CYP3A43: variants seen among roughly 807,000 people sequenced by gnomAD.
The protein encoded by CYP3A43 is cytochrome P450 family 3 subfamily A member 43.
In CYP3A43, 45 loss-of-function variants were observed where a neutral mutation model predicts 58.0. The observed-to-expected ratio is 0.78, with a 90% confidence interval of 0.61 to 0.99. The LOEUF is 0.99. Ranked by LOEUF, CYP3A43 falls within the 50% of genes least tolerant of loss-of-function variation. The probability of loss-of-function intolerance (pLI) is 0.00; values close to 1 mark genes in which losing one functional copy is unlikely to be tolerated. For missense variants in CYP3A43, 593 were observed against 591.9 expected (o/e 1.00, Z -0.02); for synonymous variants, 191 against 201.4 (o/e 0.95, Z 0.44).
At chr7:99,863,829 C>T in intron 12 of CYP3A43, 130 bp downstream of exon 12, 1 of 726,854 alleles carries the variant, frequency 1.4e-6, no homozygotes, top group Non-Finnish European at 2.1e-6. Context: ...TGGAGCTATC[C>T]ATAATGCTTA....
At chr7:99,836,247 A>G (rs1008018668) in intron 1 of CYP3A43, among the ~76,000 whole-genome samples, 4 of 152,206 alleles carry the variant, frequency 2.6e-5, no homozygotes, top group African/African-American at 9.7e-5. Flanking sequence ...TAATTAATAA[A>G]TATCCTCCTG....
chr7:99,843,119 C>A (rs1415651494), intron 3 of CYP3A43, among the ~76,000 whole-genome samples: 1 of 152,188 alleles, frequency 6.6e-6, no homozygotes, highest in Non-Finnish European at 1.5e-5. Context: ...ATATAACTGA[C>A]TTTTTCCTCT....
chr7:99,849,826 T>A, intron 7 of CYP3A43, 132 bp downstream of exon 7: 2 of 1,002,806 alleles, frequency 2.0e-6, no homozygotes. Context: ...TGGTTTTTGG[T>A]ACATTTAAAG....
At chr7:99,860,961 C>T (rs1280916838) in intron 10 of CYP3A43, among the ~76,000 whole-genome samples, 4 of 152,078 alleles carry the variant, frequency 2.6e-5, no homozygotes, top group African/African-American at 9.7e-5. Context: ...GCTACCTCCG[C>T]CTCCAGGGTT....
chr7:99,838,572 A>T, intron 2 of CYP3A43: 1 of 897,856 alleles, frequency 1.1e-6, no homozygotes, highest in Non-Finnish European at 1.5e-6. Context: ...GTGTTCATAG[A>T]CAGAAGTAAG....
chr7:99,838,938 C>T, intron 2 of CYP3A43, 182 bp from the exon 3 acceptor site: 2 of 693,890 alleles, frequency 2.9e-6, no homozygotes, highest in African/African-American at 1.8e-5. Flanking sequence ...CAAGATCGCA[C>T]CATTGCACTC....
Position 99,859,819 on chromosome 7 carries a change from T to A in CYP3A43, c.866-11T>A. 2 of 1,614,040 alleles carry A rather than the reference T, an allele frequency of 1.2e-6. No individual in the cohort carries two copies. Among genetic ancestry groups the A allele is most frequent in the Non-Finnish European group, 1.7e-6 (2 of 1,179,970 alleles). On this transcript the variant is annotated splice_polypyrimidine_tract_variant and intron_variant, in intron 9 of 12. Coordinates refer to ENST00000354829, the MANE Select transcript of CYP3A43 (RefSeq NM_057095.3). ...ACCACTTTTCCTAAAATATATTTCCTCTCCTTTCAGCTCTGTCTGATCTGG... is the reference window on the plus strand; with the variant it reads ...ACCACTTTTCCTAAAATATATTTCCACTCCTTTCAGCTCTGTCTGATCTGG...
Position 99,828,925 on chromosome 7 carries a change from T to C in CYP3A43, c.71+739T>C, listed in dbSNP as rs564141718. 1.1e-4 allele frequency among the ~76,000 whole-genome samples: 16 copies of C among 152,284 alleles called. No individual in the cohort carries two copies. In the South Asian group the frequency reaches 2.3e-3, roughly 22 times the overall value. ...GAAAAGAGAAAAAGTTTGATAATAC[T>C]TATTCTTTGGAGCACTGCTACCTGA... On this transcript the variant is annotated intron_variant, in intron 1 of 12. Coordinates refer to ENST00000354829, the MANE Select transcript of CYP3A43 (RefSeq NM_057095.3).
At chr7:99,858,855 G>A (rs1353961678) in intron 9 of CYP3A43, among the ~76,000 whole-genome samples, 2 of 151,830 alleles carry the variant, frequency 1.3e-5, no homozygotes, top group African/African-American at 4.8e-5. Flanking sequence ...ACCACACCCA[G>A]TTGTGGGTTT....
intron 1 of CYP3A43, among the ~76,000 whole-genome samples, chr7:99,828,480 G>A (rs1816711361): frequency 6.6e-6 from 1 of 152,026 alleles, no homozygotes; most frequent in African/African-American, 2.4e-5. Context: ...GACCAACATG[G>A]TGAAACCCCT....
At chr7:99,836,326 G>A (rs1817075704) in intron 1 of CYP3A43, 127 bp from the exon 2 acceptor site, 2 of 700,868 alleles carry the variant, frequency 2.9e-6, no homozygotes, top group Non-Finnish European at 5.0e-6. Context: ...CAGAGTTTCT[G>A]TTGTTATTTA....
At chr7:99,843,607 A>G (rs777173144) in intron 3 of CYP3A43, among the ~76,000 whole-genome samples, 11 of 152,032 alleles carry the variant, frequency 7.2e-5, no homozygotes, top group Non-Finnish European at 2.9e-5. Flanking sequence ...CTGGGATTAC[A>G]GGTGTGAGCC....
chr7:99,840,543 T>C (rs1402974642), intron 3 of CYP3A43, among the ~76,000 whole-genome samples: 2 of 152,230 alleles, frequency 1.3e-5, no homozygotes, highest in East Asian at 3.8e-4. Context: ...TCCTCTACTC[T>C]GTCTTTTCAC....
At chr7:99,838,558 C>T (rs1238731088) in intron 2 of CYP3A43, 3 of 705,166 alleles carry the variant, frequency 4.3e-6, no homozygotes, top group Middle Eastern at 3.4e-4. Context: ...CAATGAGTTG[C>T]TTAGTGTTCA....
intron 6 of CYP3A43, among the ~76,000 whole-genome samples, chr7:99,849,268 T>C (rs768541462): frequency 4.6e-5 from 7 of 152,246 alleles, no homozygotes; most frequent in Non-Finnish European, 7.3e-5. Flanking sequence ...TGTAATTGTC[T>C]GATTATTGGG....
At chr7:99,853,564 C>CT (rs1282862909) in intron 7 of CYP3A43, among the ~76,000 whole-genome samples, 64 of 151,196 alleles carry the variant, frequency 4.2e-4, no homozygotes, top group African/African-American at 1.3e-3. Flanking sequence ...AAAATTTGAG[C>CT]TTTTTTTTTG....
intron 3 of CYP3A43, among the ~76,000 whole-genome samples, chr7:99,841,551 C>T (rs575928977): frequency 6.6e-6 from 1 of 152,260 alleles, no homozygotes; most frequent in South Asian, 2.1e-4. Flanking sequence ...GCACTCACTA[C>T]CATGCCCAGC....
intron 1 of CYP3A43, among the ~76,000 whole-genome samples, chr7:99,834,091 C>A (rs796907037): frequency 6.6e-6 from 1 of 152,220 alleles, no homozygotes; most frequent in African/African-American, 2.4e-5. Flanking sequence ...TTTTCACATA[C>A]TCTTCCTTCT....
In CYP3A43 at chr7:99,828,188, TGA is replaced by T. The variant is rs1816701988; in HGVS notation, c.71+4_71+5del. The T allele has an allele frequency of 3.1e-6, 5 of 1,601,186 alleles. No individual in the cohort carries two copies. The highest frequency in any genetic ancestry group is 4.3e-6 in the Non-Finnish European group (5 of 1,172,466). ...TACCAGCCTGGTACTCCTCTATATGTGAGTAACTATGCAGGCATGTTTGCTCT... is the reference window on the plus strand; with the variant it reads ...TACCAGCCTGGTACTCCTCTATATGTGTAACTATGCAGGCATGTTTGCTCT... On this transcript the variant is annotated splice_donor_region_variant and intron_variant, in intron 1 of 12. Coordinates refer to ENST00000354829, the MANE Select transcript of CYP3A43 (RefSeq NM_057095.3).
Sources: allele counts gnomAD v4.1 joint callset (sites outside exome capture counted in the v4.1 genomes callset), GRCh38; gene constraint gnomAD v4.1.1; transcripts MANE v1.5; gene names NCBI Gene and HGNC (gene_info 2026-07-23, HGNC 2026-07-21).